EXT1: variants seen among roughly 807,000 people sequenced by gnomAD.
EXT1 encodes exostosin-1.
Under a neutral mutation model 82.5 loss-of-function variants are expected in EXT1, and 20 were observed. That is an observed-to-expected ratio of 0.24 (90% CI 0.17 to 0.35). The LOEUF is 0.35. EXT1 is among the 10% of genes least tolerant of loss of function. The pLI is 1.00. For synonymous variants in EXT1, 348 were observed against 350.8 expected (o/e 0.99, Z 0.09); for missense variants, 757 against 936.5 (o/e 0.81, Z 2.50).
At chr8:117,938,222 G>A (rs1313103180) in intron 1 of EXT1, among the ~76,000 whole-genome samples, 1 of 152,146 alleles carries the variant, frequency 6.6e-6, no homozygotes, top group Non-Finnish European at 1.5e-5. Context: ...AGCACTTTGG[G>A]CGGCTGAAGC....
Position 117,798,877 on chromosome 8 carries a change from CCAACCCCTGCAAGT to C in EXT1, c.*821_*834del, listed in dbSNP as rs1823122897. The C allele has an allele frequency of 6.6e-6, 1 of 152,230 alleles. No homozygotes were observed. The highest frequency in any genetic ancestry group is 1.5e-5 in the Non-Finnish European group (1 of 68,066). The allele number at this position is 152,230 out of a possible 1,614,324, so 9.4% of individuals were successfully genotyped here. Reference sequence around the variant, plus strand: ...AATGGTTGAATCTATAACCGTGCCCCCAACCCCTGCAAGTATTGGGTTACTGTTGTGGGTCTGTA... The same window carrying C: ...AATGGTTGAATCTATAACCGTGCCCCATTGGGTTACTGTTGTGGGTCTGTA... On this transcript the variant is annotated 3_prime_UTR_variant, in exon 11 of 11. Transcript: ENST00000378204.
intron 1 of EXT1, among the ~76,000 whole-genome samples, chr8:117,988,567 A>C (rs1027715208): frequency 1.2e-4 from 19 of 152,202 alleles, no homozygotes; most frequent in Non-Finnish European, 2.5e-4. Context: ...AGGAACAGAG[A>C]GGGGTCAGGA....
At chr8:118,080,823 A>T (rs1424006712) in intron 1 of EXT1, among the ~76,000 whole-genome samples, 2 of 152,160 alleles carry the variant, frequency 1.3e-5, no homozygotes, top group African/African-American at 4.8e-5. Context: ...TATGAGAGGC[A>T]CTTCAATGCA....
chr8:118,032,434 A>G (rs1563635008), intron 1 of EXT1, among the ~76,000 whole-genome samples: 1 of 151,624 alleles, frequency 6.6e-6, no homozygotes, highest in Non-Finnish European at 1.5e-5. Context: ...GCTAATTTTC[A>G]TGACTCTCTA....
chr8:118,038,926 T>C (rs950680580), intron 1 of EXT1, among the ~76,000 whole-genome samples: 8 of 152,254 alleles, frequency 5.3e-5, no homozygotes, highest in South Asian at 2.1e-4. Context: ...TCTTATCATA[T>C]GGACTATTCA....
intron 1 of EXT1, among the ~76,000 whole-genome samples, chr8:117,867,822 C>A (rs1245515707): frequency 6.6e-6 from 1 of 152,194 alleles, no homozygotes; most frequent in Non-Finnish European, 1.5e-5. Flanking sequence ...TGTATGAACA[C>A]CACCATTTAT....
At chr8:117,959,718 T>C (rs575180577) in intron 1 of EXT1, among the ~76,000 whole-genome samples, 19 of 152,342 alleles carry the variant, frequency 1.2e-4, no homozygotes, top group African/African-American at 4.6e-4. Flanking sequence ...ATAATACAGC[T>C]GCTCAAACCA....
rs542607102 is a variant in EXT1 at position 117,950,123 on chromosome 8, C to T, written c.963-112922G>A. ...GGGCATGGTGGCGTGAGCCTGTAGT[C>T]CCAGCTGCTGGGGAGGCTGAGGCAT... On this transcript the variant is annotated intron_variant, in intron 1 of 10. Transcript: ENST00000378204. Among the ~76,000 whole-genome samples the T allele has an allele frequency of 5.9e-5, 9 of 152,276 alleles. No homozygotes were observed. In the South Asian group the frequency reaches 1.9e-3, roughly 32 times the overall value.
chr8:118,096,684 G>C (rs1361448296), intron 1 of EXT1, among the ~76,000 whole-genome samples: 18 of 142,992 alleles, frequency 1.3e-4, no homozygotes, highest in Non-Finnish European at 2.3e-4. Flanking sequence ...GGGAGGGAGG[G>C]AGGGAGGGAA....
intron 1 of EXT1, among the ~76,000 whole-genome samples, chr8:117,973,930 C>CAAGG (rs759924955): frequency 0.18 from 14,445 of 79,462 alleles, 2,074 homozygotes; most frequent in Middle Eastern, 0.22. Flanking sequence ...AGGCAGAAAG[C>CAAGG]AAGGAAGGAA....
At chr8:117,804,989 C>T in intron 9 of EXT1, 96 bp from the exon 10 acceptor site, 1 of 1,101,368 alleles carries the variant, frequency 9.1e-7, no homozygotes, top group Non-Finnish European at 1.4e-6. Flanking sequence ...CTTTGAATCC[C>T]TAAACATGTC....
intron 1 of EXT1, among the ~76,000 whole-genome samples, chr8:117,962,529 G>A (rs1439796720): frequency 6.6e-6 from 1 of 152,136 alleles, no homozygotes; most frequent in African/African-American, 2.4e-5. Context: ...AAAGCCAGCA[G>A]TCACTTGAGG....
intron 1 of EXT1, among the ~76,000 whole-genome samples, chr8:118,003,217 T>C (rs905421399): frequency 1.3e-5 from 2 of 151,996 alleles, no homozygotes; most frequent in Non-Finnish European, 2.9e-5. Flanking sequence ...TGCAACGGCA[T>C]AAGAATGAGA....
chr8:117,966,431 A>G (rs1332729176), intron 1 of EXT1, among the ~76,000 whole-genome samples: 2 of 152,232 alleles, frequency 1.3e-5, no homozygotes, highest in African/African-American at 4.8e-5. Flanking sequence ...GGTCTGTTAT[A>G]TTAATAATAA....
intron 1 of EXT1, among the ~76,000 whole-genome samples, chr8:118,103,753 C>T (rs750089278): frequency 7.9e-5 from 12 of 152,102 alleles, no homozygotes; most frequent in Admixed American, 1.3e-4. Flanking sequence ...CTTAGAAGAA[C>T]CCTAGGAGAG....
chr8:118,096,660 A>AAGGAAGGAAGGG (rs1817621055), intron 1 of EXT1, among the ~76,000 whole-genome samples: 1 of 90,086 alleles, frequency 1.1e-5, no homozygotes, highest in Non-Finnish European at 2.2e-5. Flanking sequence ...GGAAGGAAGG[A>AAGGAAGGAAGGG]AGGAAGGAAG....
chr8:118,017,020 A>C (rs146656979), intron 1 of EXT1, among the ~76,000 whole-genome samples: 60 of 152,332 alleles, frequency 3.9e-4, no homozygotes, highest in African/African-American at 1.4e-3. Context: ...AAAATTTCCA[A>C]TGAACTTCCA....
chr8:117,951,291 T>C (rs1458495401), intron 1 of EXT1, among the ~76,000 whole-genome samples: 1 of 152,228 alleles, frequency 6.6e-6, no homozygotes, highest in Non-Finnish European at 1.5e-5. Context: ...TACTCATCTA[T>C]CTTTCACATG....
intron 1 of EXT1, among the ~76,000 whole-genome samples, chr8:118,073,344 G>A (rs898604382): frequency 1.3e-5 from 2 of 152,188 alleles, no homozygotes; most frequent in Non-Finnish European, 2.9e-5. Flanking sequence ...GCTCTGGCAG[G>A]GTGCAGTGGC....
Sources: gnomAD v4.1 joint callset for allele counts (sites outside exome capture counted in the v4.1 genomes callset) on GRCh38, gnomAD v4.1.1 for gene constraint, MANE v1.5 for transcripts, NCBI Gene and HGNC (gene_info 2026-07-23, HGNC 2026-07-21) for gene names.